IPO4: variants seen among roughly 807,000 people sequenced by gnomAD.
IPO4 encodes importin 4.
IPO4 carries 91 observed loss-of-function variants against 133.5 expected under a neutral mutation model. The ratio of observed to expected loss-of-function variants is 0.68; its 90% CI spans 0.58 to 0.81. IPO4 has a LOEUF of 0.81. IPO4 is among the 30% of genes least tolerant of loss of function. The pLI is 0.00. For synonymous variants in IPO4, 607 were observed against 581.6 expected (o/e 1.04, Z -0.63); for missense variants, 1,279 against 1,386.2 (o/e 0.92, Z 1.23).
intron 28 of IPO4, 33 bp downstream of exon 28, chr14:24,181,480 T>A: frequency 6.5e-7 from 1 of 1,531,548 alleles, no homozygotes. Context: ...GAGCGGCACG[T>A]TCCCCTCTGA....
chr14:24,182,996 T>C lies in IPO4; in HGVS notation c.2401A>G (p.Lys801Glu). Residue 801 changes from lysine to glutamate, a missense_variant, in exon 23 of 30, where the codon AAG becomes GAG. Physicochemically the swap from Lys to Glu is moderately conservative, Grantham distance 56. Coordinates refer to ENST00000354464, the MANE Select transcript of IPO4 (RefSeq NM_024658.4). ...CTCACCTTCCTCTGCAGCACAGCCT[T>C]GAGCACGCCACAGAGCTCAGCGAGG... ...GRLAELCGVL[K>E]AVLQRKTACQ... 1.2e-6 allele frequency: 2 copies of C among 1,613,612 alleles called. No individual in the cohort carries two copies. The highest frequency in any genetic ancestry group is 1.3e-5 in the African/African-American group (1 of 75,032).
chr14:24,183,463 A>G lies in IPO4; in HGVS notation c.2114T>C (p.Leu705Pro). 5.6e-6 allele frequency: 9 copies of G among 1,612,428 alleles called. No homozygotes were observed. The highest frequency in any genetic ancestry group is 7.6e-6 in the Non-Finnish European group (9 of 1,179,134). ...MESVFEEVFKLLECPHLNVRK... is the reference protein window; with the variant it reads ...MESVFEEVFKPLECPHLNVRK... Reference sequence around the variant, plus strand: ...ACCCGCCGGCCCGCTCACCTCCAGCAGTTTAAATACTTCTTCAAAGACACT... The same window carrying G: ...ACCCGCCGGCCCGCTCACCTCCAGCGGTTTAAATACTTCTTCAAAGACACT... Residue 705 changes from leucine to proline, a missense_variant, in exon 21 of 30, where the codon CTG (leucine) becomes CCG (proline). This residue lies in a region of IPO4 where 575 missense variants were observed against 653.4 expected (regional missense o/e 0.88). Transcript: ENST00000354464.
intron 18 of IPO4, 26 bp downstream of exon 18, chr14:24,183,972 G>GGGGGGGC: frequency 1.3e-6 from 2 of 1,573,286 alleles, no homozygotes; most frequent in Non-Finnish European, 1.7e-6. Context: ...GGCAGGCCTG[G>GGGGGGGC]CCCAGCCCAC....
At position 24,188,340 on chromosome 14, in the gene IPO4, C is replaced by T; in HGVS notation, c.236+4G>A. On this transcript the variant is annotated splice_donor_region_variant and intron_variant, in intron 3 of 29. Coordinates refer to ENST00000354464, the MANE Select transcript of IPO4 (RefSeq NM_024658.4). ...GGCCCCGCCCCACCCCAGGCCCAGC[C>T]CACCTCTCCCGTTGCTCCGCCGCCA... is the stretch of plus-strand genomic sequence containing the variant. 2 of 1,613,674 alleles carry T rather than the reference C, an allele frequency of 1.2e-6. No homozygotes were observed. The highest frequency in any genetic ancestry group is 1.1e-5 in the South Asian group (1 of 91,050).
chr14:24,181,346 C>G (rs1795395317), intron 28 of IPO4, among the ~76,000 whole-genome samples, 167 bp downstream of exon 28: 2 of 152,182 alleles, frequency 1.3e-5, no homozygotes, highest in Non-Finnish European at 2.9e-5. Context: ...CCAATCCTTG[C>G]AGACAAATAA....
rs1206666886 is a variant in IPO4 at position 24,180,264 on chromosome 14, C to A, written c.*178G>T. 6 of 1,543,846 alleles carry A rather than the reference C, an allele frequency of 3.9e-6. No individual in the cohort carries two copies. Among genetic ancestry groups the A allele is most frequent in the East Asian group, 2.4e-5 (1 of 41,558 alleles). ...AGCTGCTTTTATTACAGTATGATGT[C>A]ATGACTCATTTGTAACAGATCCAGC... On this transcript the variant is annotated 3_prime_UTR_variant, in exon 30 of 30. Transcript: ENST00000354464.
Position 24,186,368 on chromosome 14 carries a change from C to A in IPO4, c.924G>T (p.Leu308Phe). Residue 308 changes from leucine to phenylalanine, a missense_variant, in exon 10 of 30, where the codon TTG becomes TTT. Coordinates refer to ENST00000354464, the MANE Select transcript of IPO4 (RefSeq NM_024658.4). ...IVAAEPPPGQ[L>F]DPEDQDSEEE... ...CTTCTGAATCCTGGTCCTCGGGATC[C>A]AACTGGCCTGGTGGGGGCTCAGCAG... The A allele has an allele frequency of 1.2e-6, 2 of 1,613,316 alleles. No homozygotes were observed. Among genetic ancestry groups the A allele is most frequent in the South Asian group, 2.2e-5 (2 of 90,876 alleles).
Position 24,188,428 on chromosome 14 carries a change from G to A in IPO4, c.157-5C>T, listed in dbSNP as rs750340329. ...CACGGCCGCAAACTGGCGGATCTAG[G>A]ACGAGGAAGCAAGCACGTGGGGGTC... On this transcript the variant is annotated splice_region_variant and splice_polypyrimidine_tract_variant and intron_variant, in intron 2 of 29. Transcript: ENST00000354464. 13 of 1,610,734 alleles carry A rather than the reference G, an allele frequency of 8.1e-6. No homozygotes were observed. Among genetic ancestry groups the A allele is most frequent in the Admixed American group, 1.7e-5 (1 of 59,992 alleles).
In IPO4 at chr14:24,183,233, G is replaced by A. The variant is rs771871884; in HGVS notation, c.2227+17C>T. Reference sequence around the variant, plus strand: ...CCCCTCCCCAAGAACCCCCAGCCTGGCCCAGCCTCTCCTCACCAGCAGTGT... The same window carrying A: ...CCCCTCCCCAAGAACCCCCAGCCTGACCCAGCCTCTCCTCACCAGCAGTGT... On this transcript the variant is annotated intron_variant, in intron 22 of 29. Coordinates refer to ENST00000354464, the MANE Select transcript of IPO4 (RefSeq NM_024658.4). 2.2e-5 allele frequency: 35 copies of A among 1,612,294 alleles called. No individual in the cohort carries two copies. Among genetic ancestry groups the A allele is most frequent in the Non-Finnish European group, 3.0e-5 (35 of 1,178,994 alleles).
In IPO4 at chr14:24,185,852, A is replaced by G; in HGVS notation, c.1169+9T>C. 1 of 1,606,368 alleles carries G rather than the reference A, an allele frequency of 6.2e-7. No individual in the cohort carries two copies. The highest frequency in any genetic ancestry group is 1.1e-5 in the South Asian group (1 of 90,950). ...GGCAACCCTCACCCTGGGACAGGGG[A>G]ATACATACCTCTGCCTGATGTGGTC... On this transcript the variant is annotated intron_variant, in intron 12 of 29. Transcript: ENST00000354464.
chr14:24,182,866 C>G, intron 23 of IPO4, 24 bp from the exon 24 acceptor site: 1 of 1,612,626 alleles, frequency 6.2e-7, no homozygotes, highest in Non-Finnish European at 8.5e-7. Flanking sequence ...CTCAACTTAG[C>G]GGAGCTTTCA....
At position 24,185,582 on chromosome 14, in the gene IPO4, CAA is replaced by C. The variant is rs775860079; in HGVS notation, c.1170-17_1170-16del. The stretch of plus-strand genomic sequence containing the variant: ...GGGGCAGCAGTCTGGATGGGGCAAA[CAA>C]GAGGACATAGGCTGAGAAGCTACAC... On this transcript the variant is annotated splice_polypyrimidine_tract_variant and intron_variant, in intron 12 of 29. Transcript: ENST00000354464. 9 of 1,605,622 alleles carry C rather than the reference CAA, an allele frequency of 5.6e-6. No individual in the cohort carries two copies. Among genetic ancestry groups the C allele is most frequent in the African/African-American group, 1.3e-5 (1 of 74,902 alleles).
chr14:24,184,580 T>C, intron 16 of IPO4, 70 bp downstream of exon 16: 1 of 1,412,114 alleles, frequency 7.1e-7, no homozygotes, highest in Non-Finnish European at 9.6e-7. Flanking sequence ...GTGGGGGCAA[T>C]CTGTCAACAC....
chr14:24,183,503 G>A lies in IPO4; in HGVS notation c.2074C>T (p.Leu692Phe). ...EISVNTSVAFLPYMESVFEEV... is the reference protein window; with the variant it reads ...EISVNTSVAFFPYMESVFEEV... The stretch of plus-strand genomic sequence containing the variant: ...TCAAAGACACTTTCCATGTATGGAA[G>A]GAAGGCCACACTACAGAGAGAGACA... The change falls in exon 21 of 30, where the codon CTT becomes TTT. Residue 692 changes from leucine to phenylalanine, a missense_variant. Leu to Phe is a conservative substitution (Grantham distance 22). This residue lies in a region of IPO4 where 575 missense variants were observed against 653.4 expected (regional missense o/e 0.88). Coordinates refer to ENST00000354464, the MANE Select transcript of IPO4 (RefSeq NM_024658.4). 1.2e-6 allele frequency: 2 copies of A among 1,613,950 alleles called. No individual in the cohort carries two copies. Among genetic ancestry groups the A allele is most frequent in the Non-Finnish European group, 1.7e-6 (2 of 1,179,950 alleles).
In IPO4 at chr14:24,182,086, G is replaced by C. The variant is rs761784526; in HGVS notation, c.2676C>G (p.Ala892=). The C allele has an allele frequency of 1.6e-5, 26 of 1,613,918 alleles. No individual in the cohort carries two copies. Among genetic ancestry groups the C allele is most frequent in the Non-Finnish European group, 2.2e-5 (26 of 1,180,042 alleles). ...LAETIQGLGA[A]SAQFVSRLLP... The stretch of plus-strand genomic sequence containing the variant: ...GCAGCCGAGACACAAACTGGGCTGA[G>C]GCAGCACCCAGGCCCTGAATAGTCT... Residue 892 remains alanine, a synonymous_variant, in exon 26 of 30, where the codon GCC becomes GCG. Coordinates refer to ENST00000354464, the MANE Select transcript of IPO4 (RefSeq NM_024658.4).
chr14:24,183,972 G>GGGGGGGCCCC, intron 18 of IPO4, 26 bp downstream of exon 18: 2 of 1,573,294 alleles, frequency 1.3e-6, no homozygotes, highest in Non-Finnish European at 1.7e-6. Context: ...GGCAGGCCTG[G>GGGGGGGCCCC]CCCAGCCCAC....
chr14:24,185,860 C>T lies in IPO4; in HGVS notation c.1169+1G>A, dbSNP rs1001962192. ...TCACCCTGGGACAGGGGAATACATA[C>T]CTCTGCCTGATGTGGTCGCCAGCTC... On this transcript the variant is annotated splice_donor_variant, in intron 12 of 29. Transcript: ENST00000354464. LOFTEE classifies it high-confidence loss of function. 6.2e-7 allele frequency: 1 copy of T among 1,612,264 alleles called. No homozygotes were observed. Among genetic ancestry groups the T allele is most frequent in the Non-Finnish European group, 8.5e-7 (1 of 1,178,792 alleles).
intron 4 of IPO4, 177 bp from the exon 5 acceptor site, chr14:24,187,973 GT>G: frequency 1.3e-6 from 1 of 797,412 alleles, no homozygotes; most frequent in Non-Finnish European, 2.0e-6. Context: ...CTGTGGGCAT[GT>G]AATCTGGTAA....
Position 24,181,984 on chromosome 14 carries a change from C to G in IPO4, c.2778G>C (p.Leu926=). ...GGGCAGGGTGGCCCCCATGCTCTGC[C>G]AGCACGCCCATCCCGAAGATGGCAT... ...RSNAIFGMGV[L]AEHGGHPAQE... is the part of the protein sequence containing the mutation. Residue 926 remains leucine (L), a synonymous_variant, in exon 26 of 30, where the codon CTG becomes CTC. Transcript: ENST00000354464. 1 of 1,612,208 alleles carries G rather than the reference C, an allele frequency of 6.2e-7. No individual in the cohort carries two copies. Among genetic ancestry groups the G allele is most frequent in the South Asian group, 1.1e-5 (1 of 91,090 alleles).
Sources: gnomAD v4.1 joint callset for allele counts (sites outside exome capture counted in the v4.1 genomes callset) on GRCh38, gnomAD v4.1.1 for gene constraint, gnomAD v4.1.1 regional missense constraint, MANE v1.5 for transcripts, NCBI Gene and HGNC (gene_info 2026-07-23, HGNC 2026-07-21) for gene names.